The following CD164L2 variants were observed in gnomAD, a reference collection of about 807,000 sequenced individuals.
CD164L2 encodes the protein CD164 molecule like 2, also known as CD164 sialomucin-like 2 protein.
CD164L2 carries 21 observed loss-of-function variants against 23.9 expected under a neutral mutation model. The observed-to-expected ratio is 0.88, with a 90% confidence interval of 0.62 to 1.27. CD164L2 has a LOEUF of 1.27. CD164L2 is among the 50% of genes most tolerant of loss of function. CD164L2 has a pLI of 0.00. For missense variants in CD164L2, 230 were observed against 224.8 expected (o/e 1.02, Z -0.15); for synonymous variants, 92 against 90.2 (o/e 1.02, Z -0.11).
rs2016379059 is a variant in CD164L2, at chr1:27,383,299, C to A, written c.-60G>T. 3.5e-6 allele frequency: 4 copies of A among 1,130,140 alleles called. No homozygotes were observed. The highest frequency in any genetic ancestry group is 1.4e-5 in the South Asian group (1 of 71,894). The allele number at this position is 1,130,140 out of a possible 1,614,324, so 70.0% of individuals were successfully genotyped here. A position where few individuals can be genotyped will look rare whatever the true frequency, so the allele number is the denominator to read the frequency against. ...CCGGGATCGGTGGACAGCTGCCGGG[C>A]GCGTCCCTCCCAGACTGGGCTCGGC... On this transcript the variant is annotated 5_prime_UTR_variant, in exon 1 of 6. Coordinates refer to ENST00000374030, the MANE Select transcript of CD164L2 (RefSeq NM_001330448.1).
intron 3 of CD164L2, 162 bp from the exon 4 acceptor site, chr1:27,381,986 A>G (rs2016344428): frequency 7.3e-7 from 1 of 1,368,152 alleles, no homozygotes; most frequent in Non-Finnish European, 9.9e-7. Flanking sequence ...CCTCCACCAG[A>G]TGTGCTCTCT....
At chr1:27,382,163 G>A in intron 3 of CD164L2, 165 bp downstream of exon 3, 11 of 1,554,568 alleles carry the variant, frequency 7.1e-6, no homozygotes, top group South Asian at 1.2e-5. Context: ...GAGGAAATAG[G>A]CAGAGAGAGG....
chr1:27,380,350 T>C (rs2148076905), intron 4 of CD164L2, among the ~76,000 whole-genome samples, 155 bp from the exon 5 acceptor site: 1 of 152,188 alleles, frequency 6.6e-6, no homozygotes, highest in Middle Eastern at 3.4e-3. Context: ...CCGCAGGCAG[T>C]TGGGAAGCGC....
intron 3 of CD164L2, 158 bp from the exon 4 acceptor site, chr1:27,381,982 C>T: frequency 1.5e-6 from 2 of 1,358,400 alleles, no homozygotes; most frequent in Non-Finnish European, 2.0e-6. Flanking sequence ...GTTCCCTCCA[C>T]CAGATGTGCT....
chr1:27,381,733 C>T (rs1392438999), intron 4 of CD164L2, 47 bp downstream of exon 4: 2 of 1,603,148 alleles, frequency 1.2e-6, no homozygotes, highest in South Asian at 2.2e-5. Context: ...GCTGTCTTCC[C>T]CTGCACCTCT....
intron 1 of CD164L2, among the ~76,000 whole-genome samples, 185 bp downstream of exon 1, chr1:27,382,967 G>C (rs1049653391): frequency 6.6e-6 from 1 of 152,000 alleles, no homozygotes; most frequent in African/African-American, 2.4e-5. Context: ...CCCCACACCT[G>C]GGGCCTATAT....
At chr1:27,382,438 G>A (rs749720301) in intron 2 of CD164L2, 39 bp from the exon 3 acceptor site, 2 of 1,585,046 alleles carry the variant, frequency 1.3e-6, no homozygotes, top group South Asian at 2.3e-5. Flanking sequence ...TTGGGGAGAG[G>A]GGCCAGGGCC....
intron 5 of CD164L2, 177 bp from the exon 6 acceptor site, chr1:27,379,686 C>G: frequency 1.3e-6 from 2 of 1,482,120 alleles, no homozygotes; most frequent in East Asian, 5.0e-5. Flanking sequence ...CTTCTCAGAG[C>G]AAAACCCAAC....
At chr1:27,381,845 T>A in intron 3 of CD164L2, 21 bp from the exon 4 acceptor site, 1 of 1,613,820 alleles carries the variant, frequency 6.2e-7, no homozygotes, top group Non-Finnish European at 8.5e-7. Flanking sequence ...AGGTGATCCA[T>A]AGCAAAGCAG....
chr1:27,381,850 A>C (rs928046870), intron 3 of CD164L2, 26 bp from the exon 4 acceptor site: 1 of 1,613,542 alleles, frequency 6.2e-7, no homozygotes, highest in South Asian at 1.1e-5. Flanking sequence ...ATCCATAGCA[A>C]AGCAGCCTTC....
chr1:27,383,019 A>G (rs1002323172), intron 1 of CD164L2, 133 bp downstream of exon 1: 118 of 703,214 alleles, frequency 1.7e-4, no homozygotes, highest in Admixed American at 3.3e-4. Context: ...CCCCTCTCCC[A>G]CCCCTGGAGG....
intron 5 of CD164L2, 148 bp downstream of exon 5, chr1:27,379,903 A>G: frequency 6.6e-7 from 1 of 1,511,486 alleles, no homozygotes; most frequent in Non-Finnish European, 8.8e-7. Context: ...AGGAGACAAA[A>G]GGGGTGTGGC....
At chr1:27,381,849 A>G (rs1328452249) in intron 3 of CD164L2, 25 bp from the exon 4 acceptor site, 2 of 1,613,676 alleles carry the variant, frequency 1.2e-6, no homozygotes, top group South Asian at 2.2e-5. Flanking sequence ...GATCCATAGC[A>G]AAGCAGCCTT....
At chr1:27,382,228 G>A (rs750700780) in intron 3 of CD164L2, 100 bp downstream of exon 3, 6 of 1,612,640 alleles carry the variant, frequency 3.7e-6, no homozygotes, top group Non-Finnish European at 5.1e-6. Context: ...AGGTATGGGT[G>A]AGCAAAATCC....
chr1:27,382,768 A>C (rs2016364838), intron 1 of CD164L2, 101 bp from the exon 2 acceptor site: 1 of 1,211,732 alleles, frequency 8.3e-7, no homozygotes, highest in Non-Finnish European at 1.1e-6. Context: ...GCCCCTCTGC[A>C]CACATCTGGG....
At position 27,382,652 on chromosome 1, in the gene CD164L2, C is replaced by G. The variant is rs1391615450; in HGVS notation, c.104G>C (p.Gly35Ala). ...GCGGATCAGGGCTCCCCTCCCAAAG[C>G]CTCGAGCTCCTTTACCTGGTAGTGC... is the stretch of plus-strand genomic sequence containing the variant. ...QLAVAGKGARGFGRGALIRLN... is the reference protein window; with the variant it reads ...QLAVAGKGARAFGRGALIRLN... Residue 35 changes from glycine to alanine, a missense_variant, in exon 2 of 6, where the codon GGC becomes GCC. Transcript: ENST00000374030. 1.2e-6 allele frequency: 2 copies of G among 1,611,424 alleles called. No homozygotes were observed. Among genetic ancestry groups the G allele is most frequent in the East Asian group, 4.5e-5 (2 of 44,886 alleles).
chr1:27,383,229 G>A lies in CD164L2; in HGVS notation c.11C>T (p.Pro4Leu), dbSNP rs1431699333. 6.5e-7 allele frequency: 1 copy of A among 1,544,662 alleles called. No homozygotes were observed. Among genetic ancestry groups the A allele is most frequent in the Non-Finnish European group, 8.7e-7 (1 of 1,146,284 alleles). Residue 4 changes from proline to leucine, a missense_variant, in exon 1 of 6, where the codon CCG becomes CTG. Physicochemically the swap from Pro to Leu is moderately conservative, Grantham distance 98. Transcript: ENST00000374030. Reference sequence around the variant, plus strand: ...CGCAGTCCGCAAGGCGCGGGGTCCCGGAGCCTCCATGGGCTCGCGGGGTGG... The same window carrying A: ...CGCAGTCCGCAAGGCGCGGGGTCCCAGAGCCTCCATGGGCTCGCGGGGTGG... MEA[P>L]GPRALRTALC...
At position 27,383,296 on chromosome 1, in the gene CD164L2, G is replaced by T; in HGVS notation, c.-57C>A. On this transcript the variant is annotated 5_prime_UTR_variant, in exon 1 of 6. Transcript: ENST00000374030. ...TGGCCGGGATCGGTGGACAGCTGCC[G>T]GGCGCGTCCCTCCCAGACTGGGCTC... 1 of 1,166,976 alleles carries T rather than the reference G, an allele frequency of 8.6e-7. No individual in the cohort carries two copies. The highest frequency in any genetic ancestry group is 2.6e-5 in the East Asian group (1 of 38,708). The allele number at this position is 1,166,976 out of a possible 1,614,324, so 72.3% of individuals were successfully genotyped here. A position where few individuals can be genotyped will look rare whatever the true frequency, so the allele number is the denominator to read the frequency against.
chr1:27,379,935 C>A (rs563847570), intron 5 of CD164L2, 116 bp downstream of exon 5: 1 of 1,530,062 alleles, frequency 6.5e-7, no homozygotes, highest in African/African-American at 1.4e-5. Flanking sequence ...ACGCTGTCAC[C>A]GTCCTGAGGG....
Sources: allele counts gnomAD v4.1 joint callset (sites outside exome capture counted in the v4.1 genomes callset), GRCh38; gene constraint gnomAD v4.1.1; transcripts MANE v1.5; gene names NCBI Gene and HGNC (gene_info 2026-07-23, HGNC 2026-07-21).